AMD1: variants seen among roughly 807,000 people sequenced by gnomAD.
The protein encoded by AMD1 is S-adenosylmethionine decarboxylase proenzyme.
AMD1 carries 11 observed loss-of-function variants against 40.2 expected under a neutral mutation model. The ratio of observed to expected loss-of-function variants is 0.27; its 90% CI spans 0.17 to 0.45. The LOEUF (loss-of-function observed/expected upper bound fraction) is 0.45. AMD1 is among the 20% of genes least tolerant of loss of function. The pLI, the probability that AMD1 is intolerant of heterozygous loss-of-function variation, is 1.00. For synonymous variants in AMD1, 121 were observed against 130.8 expected (o/e 0.93, Z 0.51); for missense variants, 257 against 410.2 (o/e 0.63, Z 3.23).
intron 1 of AMD1, among the ~76,000 whole-genome samples, chr6:110,878,939 C>T (rs1191786795): frequency 1.3e-5 from 2 of 152,224 alleles, no homozygotes; most frequent in South Asian, 4.1e-4. Context: ...AGCATTATTG[C>T]AATATCAATA....
chr6:110,825,840 C>G, the AMD1 span, among the ~76,000 whole-genome samples: 2 of 152,026 alleles, frequency 1.3e-5, no homozygotes, highest in African/African-American at 4.8e-5. Context: ...GTCAGGACAG[C>G]TGAGGAGTAG....
chr6:110,855,443 T>C, the AMD1 span, among the ~76,000 whole-genome samples: 1 of 152,130 alleles, frequency 6.6e-6, no homozygotes, highest in Admixed American at 6.6e-5. Context: ...AATTATAAAG[T>C]AATAAATGGC....
Position 110,874,980 on chromosome 6 carries a change from AAAAAAAGGAACCTG to A in AMD1, c.-123_-110del, listed in dbSNP as rs1411447995. 6 of 678,452 alleles carry A rather than the reference AAAAAAAGGAACCTG, an allele frequency of 8.8e-6. No homozygotes were observed. Among genetic ancestry groups the A allele is most frequent in the Non-Finnish European group, 9.7e-6 (4 of 410,914 alleles). 42.0% of individuals were successfully genotyped at this position (678,452 alleles called of 1,614,324 possible). On this transcript the variant is annotated 5_prime_UTR_variant, in exon 1 of 9. Coordinates refer to ENST00000368885, the MANE Select transcript of AMD1 (RefSeq NM_001634.6). ...AAGTTAATATAAAATTATAGCAAAA[AAAAAAAGGAACCTG>A]AACTTTAGTAACACAGCTGGAACAA... is the stretch of plus-strand genomic sequence containing the variant.
intron 1 of AMD1, among the ~76,000 whole-genome samples, chr6:110,886,283 T>A (rs1044614006): frequency 6.6e-6 from 1 of 151,318 alleles, no homozygotes; most frequent in African/African-American, 2.4e-5. Context: ...CTGTCAGATA[T>A]CATAAGGCTT....
At chr6:110,818,173 A>C in the AMD1 span, among the ~76,000 whole-genome samples, 1 of 152,086 alleles carries the variant, frequency 6.6e-6, no homozygotes, top group Admixed American at 6.6e-5. Flanking sequence ...GGCAAAATTA[A>C]TATAAGTAGA....
chr6:110,859,020 G>A, the AMD1 span: 10 of 1,209,508 alleles, frequency 8.3e-6, no homozygotes, highest in Non-Finnish European at 1.2e-5. Flanking sequence ...CTTTGGCCTG[G>A]GCCGGCAGAT....
chr6:110,877,475 C>T (rs1213063245), intron 1 of AMD1, among the ~76,000 whole-genome samples: 2 of 152,236 alleles, frequency 1.3e-5, no homozygotes, highest in Admixed American at 6.5e-5. Flanking sequence ...ATGGGGCCAG[C>T]CCCAGAGACC....
intron 1 of AMD1, among the ~76,000 whole-genome samples, chr6:110,876,191 T>G (rs114138081): frequency 1.3e-5 from 2 of 152,232 alleles, no homozygotes; most frequent in Non-Finnish European, 2.9e-5. Flanking sequence ...AAATCCATGC[T>G]TATATAAAAG....
chr6:110,847,087 T>A, the AMD1 span, among the ~76,000 whole-genome samples: 1 of 151,724 alleles, frequency 6.6e-6, no homozygotes, highest in African/African-American at 2.4e-5. Context: ...TGTGTGTGTG[T>A]GTATAAATTT....
the AMD1 span, among the ~76,000 whole-genome samples, chr6:110,849,721 T>G: frequency 1.3e-5 from 2 of 152,100 alleles, no homozygotes; most frequent in Non-Finnish European, 2.9e-5. Flanking sequence ...AATATTTCAG[T>G]AAGAATAAGA....
At chr6:110,832,260 C>G in the AMD1 span, among the ~76,000 whole-genome samples, 3 of 151,956 alleles carry the variant, frequency 2.0e-5, no homozygotes, top group Non-Finnish European at 4.4e-5. Context: ...CTGCTTTAGC[C>G]CCCCAAAGTG....
At chr6:110,846,777 G>C in the AMD1 span, among the ~76,000 whole-genome samples, 1 of 152,122 alleles carries the variant, frequency 6.6e-6, no homozygotes, top group African/African-American at 2.4e-5. Context: ...GGCTGAGGCA[G>C]GAGGATTGCT....
At chr6:110,842,638 C>T in the AMD1 span, among the ~76,000 whole-genome samples, 2 of 152,144 alleles carry the variant, frequency 1.3e-5, no homozygotes, top group Admixed American at 6.6e-5. Context: ...GCAGGCTAAC[C>T]ATGGCAGAGT....
At chr6:110,857,638 G>A in the AMD1 span, among the ~76,000 whole-genome samples, 6 of 135,094 alleles carry the variant, frequency 4.4e-5, no homozygotes, top group African/African-American at 1.6e-4. Flanking sequence ...ATATATAGAT[G>A]GTATATATAT....
At chr6:110,829,168 C>T in the AMD1 span, among the ~76,000 whole-genome samples, 1 of 151,576 alleles carries the variant, frequency 6.6e-6, no homozygotes, top group East Asian at 2.0e-4. Context: ...AAAACTCCGT[C>T]TCAAACAAAC....
intron 1 of AMD1, among the ~76,000 whole-genome samples, chr6:110,887,268 T>C (rs1785748423): frequency 6.6e-6 from 1 of 152,198 alleles, no homozygotes; most frequent in African/African-American, 2.4e-5. Flanking sequence ...TTGCCTATTT[T>C]TCTTTAAGTA....
At chr6:110,828,138 A>G in the AMD1 span, among the ~76,000 whole-genome samples, 5 of 152,310 alleles carry the variant, frequency 3.3e-5, no homozygotes, top group South Asian at 8.3e-4. Context: ...TGATTTTAAA[A>G]AAGAGAGGCT....
chr6:110,857,297 G>A, the AMD1 span, among the ~76,000 whole-genome samples: 14,422 of 152,042 alleles, frequency 0.095, 1,320 homozygotes, highest in African/African-American at 0.24. Context: ...ACTTTGGGAG[G>A]CCAAGGGGGC....
chr6:110,819,774 G>A, the AMD1 span, among the ~76,000 whole-genome samples: 1 of 152,144 alleles, frequency 6.6e-6, no homozygotes, highest in Non-Finnish European at 1.5e-5. Context: ...GAAATAGGAA[G>A]CCTGCACAAG....
Sources: gnomAD v4.1 joint callset for allele counts (sites outside exome capture counted in the v4.1 genomes callset) on GRCh38, gnomAD v4.1.1 for gene constraint, MANE v1.5 for transcripts, NCBI Gene and HGNC (gene_info 2026-07-23, HGNC 2026-07-21) for gene names.